The following ATL2 variants were observed in gnomAD, a reference collection of about 807,000 sequenced individuals.
ATL2 encodes the protein atlastin-2.
Under a neutral mutation model 73.9 loss-of-function variants are expected in ATL2, and 31 were observed. The ratio of observed to expected loss-of-function variants is 0.42; its 90% confidence interval spans 0.32 to 0.57. ATL2 has a LOEUF of 0.57. Ranked by LOEUF, ATL2 falls within the 20% of genes least tolerant of loss-of-function variation. ATL2 has a pLI of 0.14. For synonymous variants in ATL2, 291 were observed against 237.5 expected (o/e 1.23, Z -2.07); for missense variants, 738 against 702.6 (o/e 1.05, Z -0.57).
At chr2:38,313,667 A>G (rs1226519945) in intron 6 of ATL2, among the ~76,000 whole-genome samples, 1 of 152,146 alleles carries the variant, frequency 6.6e-6, no homozygotes, top group Non-Finnish European at 1.5e-5. Context: ...TTACTCATAT[A>G]GGGTTAGATT....
intron 1 of ATL2, among the ~76,000 whole-genome samples, chr2:38,351,261 T>C (rs1446069889): frequency 6.6e-6 from 1 of 152,098 alleles, no homozygotes; most frequent in East Asian, 1.9e-4. Context: ...GTATTCAAGT[T>C]TATTCTAGCA....
At chr2:38,296,306 T>A in intron 12 of ATL2, 193 bp from the exon 13 acceptor site, 1 of 1,443,538 alleles carries the variant, frequency 6.9e-7, no homozygotes, top group Non-Finnish European at 9.0e-7. Context: ...ATTACTTTCC[T>A]CTTATTCAAA....
chr2:38,308,592 CAA>C (rs894922989), intron 9 of ATL2, among the ~76,000 whole-genome samples: 7 of 151,858 alleles, frequency 4.6e-5, no homozygotes, highest in East Asian at 1.9e-4. Flanking sequence ...TTTAAAATAA[CAA>C]AGAGTATAAT....
At position 38,298,756 on chromosome 2, in the gene ATL2, C is replaced by G. The variant is rs1667037189; in HGVS notation, c.1201-181G>C. 2.6e-5 allele frequency among the ~76,000 whole-genome samples: 4 copies of G among 152,276 alleles called. No individual in the cohort carries two copies. In the East Asian group the frequency reaches 5.8e-4, roughly 22 times the overall value. On this transcript the variant is annotated intron_variant, in intron 11 of 12. Coordinates refer to ENST00000378954, the MANE Select transcript of ATL2 (RefSeq NM_001135673.4). The stretch of plus-strand genomic sequence containing the variant: ...TTATTGTTTATATGTTGAACCTACT[C>G]AAGCAAAATCATTTTCCAAATATGA...
At position 38,298,064 on chromosome 2, in the gene ATL2, C is replaced by T. The variant is rs370261975; in HGVS notation, c.1632+80G>A. On this transcript the variant is annotated intron_variant, in intron 12 of 12. Coordinates refer to ENST00000378954, the MANE Select transcript of ATL2 (RefSeq NM_001135673.4). ...GACATTCCTCACATGAAGGCAAAGT[C>T]GGAGTACAAATACTGCAAAGGATGG... The T allele has an allele frequency of 2.0e-4, 268 of 1,335,336 alleles. No homozygotes were observed. In the South Asian group the frequency reaches 3.5e-3, roughly 17 times the overall value. 82.7% of individuals were successfully genotyped at this position (1,335,336 alleles called of 1,614,324 possible).
intron 1 of ATL2, among the ~76,000 whole-genome samples, chr2:38,360,897 G>T (rs1459373447): frequency 1.3e-5 from 2 of 151,456 alleles, no homozygotes; most frequent in South Asian, 4.2e-4. Context: ...ACGAAACATG[G>T]TTCCTTGTTC....
intron 7 of ATL2, among the ~76,000 whole-genome samples, chr2:38,311,002 G>A (rs1363485279): frequency 1.3e-5 from 2 of 152,002 alleles, no homozygotes. Context: ...CTACAAATAA[G>A]GTAGTTAATC....
intron 1 of ATL2, among the ~76,000 whole-genome samples, chr2:38,374,266 T>A (rs542364133): frequency 6.6e-6 from 1 of 152,172 alleles, no homozygotes; most frequent in Non-Finnish European, 1.5e-5. Flanking sequence ...GACTAACGGA[T>A]AGGAAGAAAA....
intron 1 of ATL2, among the ~76,000 whole-genome samples, chr2:38,365,152 CACACACACACACAAAT>C (rs1412249217): frequency 3.6e-4 from 54 of 148,706 alleles, no homozygotes; most frequent in African/African-American, 1.3e-3. Flanking sequence ...CACACACACA[CACACACACACACAAAT>C]ACACACACAC....
chr2:38,301,884 C>T (rs1387256821), intron 9 of ATL2, among the ~76,000 whole-genome samples: 2 of 152,104 alleles, frequency 1.3e-5, no homozygotes, highest in African/African-American at 4.8e-5. Context: ...ACTCCCCCTA[C>T]ACAAGCTCAG....
At chr2:38,301,997 G>A (rs1573428597) in intron 9 of ATL2, among the ~76,000 whole-genome samples, 2 of 152,202 alleles carry the variant, frequency 1.3e-5, no homozygotes, top group East Asian at 3.9e-4. Flanking sequence ...TACCAGCTCA[G>A]CCAAAGTAGA....
rs992465837 is a variant in ATL2, at chr2:38,343,259, A to G, written c.363+9T>C. 1.3e-6 allele frequency: 2 copies of G among 1,572,186 alleles called. No individual in the cohort carries two copies. The highest frequency in any genetic ancestry group is 1.4e-5 in the African/African-American group (1 of 71,580). On this transcript the variant is annotated intron_variant, in intron 2 of 12. Transcript: ENST00000378954. ...TTTTTAATTGGGTTCAATTTAAAAG[A>G]CTATTCACCTTGTTATACATGTATC...
intron 1 of ATL2, among the ~76,000 whole-genome samples, chr2:38,351,384 C>T (rs751650272): frequency 4.6e-5 from 7 of 152,104 alleles, no homozygotes; most frequent in African/African-American, 7.2e-5. Flanking sequence ...ATTAATGTTG[C>T]GTACCTCAAA....
intron 4 of ATL2, among the ~76,000 whole-genome samples, chr2:38,317,312 A>G (rs951850855): frequency 6.6e-6 from 1 of 152,332 alleles, no homozygotes; most frequent in African/African-American, 2.4e-5. Context: ...CCATACTTCA[A>G]TAATTCATTT....
intron 2 of ATL2, among the ~76,000 whole-genome samples, chr2:38,325,906 T>TA (rs761254087): frequency 0.028 from 1,467 of 51,962 alleles, 15 homozygotes; most frequent in South Asian, 0.088. Flanking sequence ...TTTGTTTGTT[T>TA]AAAAAAAAAA....
chr2:38,338,474 T>C (rs182278137), intron 2 of ATL2, among the ~76,000 whole-genome samples: 1 of 152,322 alleles, frequency 6.6e-6, no homozygotes, highest in East Asian at 1.9e-4. Flanking sequence ...AATTATTTTT[T>C]TAAAGTAAAC....
At chr2:38,327,042 T>C (rs564368967) in intron 2 of ATL2, among the ~76,000 whole-genome samples, 50 of 149,106 alleles carry the variant, frequency 3.4e-4, no homozygotes, top group South Asian at 3.3e-3. Flanking sequence ...GGGTGAAATG[T>C]TGACAAAGCT....
chr2:38,370,196 CGCTCACACCT>C (rs1671596338), intron 1 of ATL2, among the ~76,000 whole-genome samples: 1 of 145,168 alleles, frequency 6.9e-6, no homozygotes, highest in African/African-American at 2.6e-5. Context: ...ACCGGGCGGT[CGCTCACACCT>C]GTAATCCCAG....
chr2:38,305,860 C>T (rs934587703), intron 9 of ATL2, among the ~76,000 whole-genome samples: 20 of 151,788 alleles, frequency 1.3e-4, no homozygotes, highest in African/African-American at 4.1e-4. Flanking sequence ...CCTAACCATA[C>T]ATCTTAAAAA....
Sources: gnomAD v4.1 joint callset for allele counts (sites outside exome capture counted in the v4.1 genomes callset) on GRCh38, gnomAD v4.1.1 for gene constraint, MANE v1.5 for transcripts, NCBI Gene and HGNC (gene_info 2026-07-23, HGNC 2026-07-21) for gene names.